CMTM4: variants seen among roughly 807,000 people sequenced by gnomAD.
CMTM4 encodes CKLF like MARVEL transmembrane domain containing 4.
In CMTM4, 8 loss-of-function variants were observed where a neutral mutation model predicts 19.0. The ratio of observed to expected loss-of-function variants is 0.42; its 90% CI spans 0.25 to 0.76. CMTM4 has a LOEUF of 0.76. CMTM4 is among the 30% of genes least tolerant of loss of function. The pLI, the probability that CMTM4 is intolerant of heterozygous loss-of-function variation, is 0.27. For missense variants in CMTM4, 228 were observed against 290.2 expected, an observed-to-expected ratio of 0.79 and a Z score of 1.56; for synonymous variants, 106 against 121.1, an observed-to-expected ratio of 0.88 and a Z score of 0.82.
At chr16:66,693,238 AC>A (rs1028128136) in intron 1 of CMTM4, among the ~76,000 whole-genome samples, 2 of 151,998 alleles carry the variant, frequency 1.3e-5, no homozygotes, top group Non-Finnish European at 2.9e-5. Context: ...GAAAAAAAAA[AC>A]ATACACACCA....
intron 1 of CMTM4, among the ~76,000 whole-genome samples, chr16:66,651,461 A>C (rs2144841200): frequency 6.6e-6 from 1 of 152,302 alleles, no homozygotes; most frequent in East Asian, 1.9e-4. Context: ...AGGGCTCTGC[A>C]CCAGGCACAG....
intron 2 of CMTM4, among the ~76,000 whole-genome samples, chr16:66,631,089 C>A (rs1157921263): frequency 1.3e-5 from 2 of 150,774 alleles, no homozygotes; most frequent in Non-Finnish European, 3.0e-5. Context: ...AAGTGAGGAG[C>A]CCCTCCACCC....
downstream of CMTM4, among the ~76,000 whole-genome samples, chr16:66,614,157 C>T (rs766466534): frequency 5.3e-5 from 8 of 152,238 alleles, no homozygotes; most frequent in East Asian, 1.9e-4. The surrounding 1 kb of genome is among the most constrained non-coding windows in gnomAD (Gnocchi z 4.9). Context: ...AGAGCTCAGG[C>T]GGTAATGCCG....
chr16:66,691,851 T>A (rs2017141790), intron 1 of CMTM4, among the ~76,000 whole-genome samples: 2 of 152,202 alleles, frequency 1.3e-5, no homozygotes, highest in South Asian at 4.1e-4. Context: ...TTCAAACACA[T>A]AATTATGTTT....
At chr16:66,670,138 G>A (rs922665075) in intron 1 of CMTM4, among the ~76,000 whole-genome samples, 1 of 151,998 alleles carries the variant, frequency 6.6e-6, no homozygotes, top group East Asian at 1.9e-4. Flanking sequence ...TCAGATCTTA[G>A]TTGTGTATTT....
At chr16:66,656,581 AG>A (rs1342528536) in intron 1 of CMTM4, among the ~76,000 whole-genome samples, 1 of 152,042 alleles carries the variant, frequency 6.6e-6, no homozygotes, top group Non-Finnish European at 1.5e-5. Context: ...TGAAAGGTTA[AG>A]AAGTTATAAG....
the CMTM4 span, chr16:66,604,935 C>A: frequency 6.7e-7 from 1 of 1,501,944 alleles, no homozygotes; most frequent in Non-Finnish European, 8.8e-7. Context: ...CAAAGGCCGC[C>A]TCCTGCTGGC....
At position 66,620,940 on chromosome 16, in the gene CMTM4, T is replaced by C. The variant is rs55696119; in HGVS notation, c.*1118A>G. 1.0e-6 allele frequency: 1 copy of C among 985,774 alleles called. No homozygotes were observed. Among genetic ancestry groups the C allele is most frequent in the Non-Finnish European group, 1.2e-6 (1 of 829,924 alleles). The allele number at this position is 985,774 out of a possible 1,614,324, so 61.1% of individuals were successfully genotyped here. A position where few individuals can be genotyped will look rare whatever the true frequency, so the allele number is the denominator to read the frequency against. On this transcript the variant is annotated 3_prime_UTR_variant, in exon 4 of 4. Coordinates refer to ENST00000394106, the MANE Select transcript of CMTM4 (RefSeq NM_181521.3). ...AGAAACCTTAAGTAGCTAGGATTTTTCCCCCCAACAACTCCCAAGAATGAT... is the reference window on the plus strand; with the variant it reads ...AGAAACCTTAAGTAGCTAGGATTTTCCCCCCCAACAACTCCCAAGAATGAT...
At chr16:66,653,911 GT>G (rs372685688) in intron 1 of CMTM4, among the ~76,000 whole-genome samples, 8 of 150,908 alleles carry the variant, frequency 5.3e-5, no homozygotes, top group East Asian at 3.9e-4. Context: ...ATTTTTATGT[GT>G]TTTTTTTTAG....
chr16:66,694,505 C>A (rs572742931), intron 1 of CMTM4, among the ~76,000 whole-genome samples: 5 of 151,742 alleles, frequency 3.3e-5, no homozygotes, highest in African/African-American at 1.2e-4. Flanking sequence ...GTAAGGAGTT[C>A]GAGACCAGCC....
intron 1 of CMTM4, among the ~76,000 whole-genome samples, chr16:66,651,070 A>G (rs972154752): frequency 1.3e-5 from 2 of 152,238 alleles, no homozygotes; most frequent in Admixed American, 6.5e-5. Flanking sequence ...GAAAAAGGCT[A>G]GTTGTTAACG....
chr16:66,618,674 A>T lies in CMTM4; in HGVS notation c.*3384T>A. ...AAAGGTGTTGGAGCTTGGTCTCCTC[A>T]GGCTTAACCCAAGGCTGACTCACTA... On this transcript the variant is annotated 3_prime_UTR_variant, in exon 4 of 4. Transcript: ENST00000394106. 1 of 985,522 alleles carries T rather than the reference A, an allele frequency of 1.0e-6. No individual in the cohort carries two copies. Among genetic ancestry groups the T allele is most frequent in the Non-Finnish European group, 1.2e-6 (1 of 829,964 alleles). The allele number at this position is 985,522 out of a possible 1,614,324, so 61.0% of individuals were successfully genotyped here.
At chr16:66,625,358 C>T (rs1199764170) in intron 2 of CMTM4, among the ~76,000 whole-genome samples, 5 of 151,198 alleles carry the variant, frequency 3.3e-5, no homozygotes, top group Middle Eastern at 3.4e-3. Context: ...CGCTGGAACC[C>T]GGGAGGCGGA....
chr16:66,631,067 A>G (rs1456129642), intron 2 of CMTM4, among the ~76,000 whole-genome samples: 4 of 141,500 alleles, frequency 2.8e-5, no homozygotes, highest in African/African-American at 5.4e-5. Context: ...CCCGGCGGCC[A>G]CCCCATCTGA....
intron 1 of CMTM4, among the ~76,000 whole-genome samples, chr16:66,680,523 C>T (rs1466907158): frequency 2.7e-5 from 4 of 150,262 alleles, no homozygotes; most frequent in African/African-American, 9.8e-5. Context: ...GCCTGTAATC[C>T]CAGCGCTTCG....
At chr16:66,649,213 T>C (rs1235511869) in intron 1 of CMTM4, among the ~76,000 whole-genome samples, 1 of 152,168 alleles carries the variant, frequency 6.6e-6, no homozygotes, top group African/African-American at 2.4e-5. Context: ...CGTGAGACCC[T>C]GTCTCTTAAA....
chr16:66,608,497 C>A, the CMTM4 span: 3 of 1,610,050 alleles, frequency 1.9e-6, no homozygotes, highest in Non-Finnish European at 2.5e-6. The surrounding 1 kb of genome is among the most constrained non-coding windows in gnomAD (Gnocchi z 5.1). Context: ...GGAGGGGTGC[C>A]CTGCACAAAG....
intron 2 of CMTM4, among the ~76,000 whole-genome samples, chr16:66,630,507 T>C (rs2015833736): frequency 6.6e-6 from 1 of 151,478 alleles, no homozygotes; most frequent in South Asian, 2.1e-4. Flanking sequence ...CCTGACTGGT[T>C]TTCGTATTTT....
chr16:66,630,428 C>T (rs1444181875), intron 2 of CMTM4, among the ~76,000 whole-genome samples: 2 of 150,888 alleles, frequency 1.3e-5, no homozygotes, highest in Non-Finnish European at 3.0e-5. Context: ...GGGCTCAATG[C>T]AACCTCCCTG....
Sources: gnomAD v4.1 joint callset for allele counts (sites outside exome capture counted in the v4.1 genomes callset) on GRCh38, gnomAD v4.1.1 for gene constraint, Gnocchi (gnomAD v3.1) non-coding constraint, MANE v1.5 for transcripts, NCBI Gene and HGNC (gene_info 2026-07-23, HGNC 2026-07-21) for gene names.